CNTNAP2: variants seen among roughly 807,000 people sequenced by gnomAD.
CNTNAP2 encodes contactin associated protein 2, also known as contactin-associated protein-like 2.
A neutral mutation model predicts 155.2 loss-of-function variants in CNTNAP2; 98 were observed. The observed-to-expected ratio is 0.63, with a 90% CI of 0.54 to 0.75. The LOEUF is 0.75. CNTNAP2 is among the 30% of genes least tolerant of loss of function. The pLI, the probability that CNTNAP2 is intolerant of heterozygous loss-of-function variation, is 0.00. For missense variants in CNTNAP2, 1,727 were observed against 1,688.1 expected (o/e 1.02, Z -0.40); for synonymous variants, 651 against 631.2 (o/e 1.03, Z -0.47).
chr7:146,551,017 T>G (rs958838730), intron 1 of CNTNAP2, among the ~76,000 whole-genome samples: 3 of 152,018 alleles, frequency 2.0e-5, no homozygotes, highest in Admixed American at 6.6e-5. Flanking sequence ...TGGTGGAAAG[T>G]GTGATTTGGT....
intron 3 of CNTNAP2, among the ~76,000 whole-genome samples, chr7:147,016,241 T>C (rs1160475617): frequency 6.6e-6 from 1 of 152,002 alleles, no homozygotes; most frequent in African/African-American, 2.4e-5. Context: ...TAATCTAGTA[T>C]CTGATTGCTT....
At chr7:148,373,923 G>T (rs762694931) in intron 21 of CNTNAP2, among the ~76,000 whole-genome samples, 1 of 152,226 alleles carries the variant, frequency 6.6e-6, no homozygotes, top group African/African-American at 2.4e-5. Flanking sequence ...ATCCACTGGA[G>T]CTTCAAGTTC....
At chr7:146,799,502 T>C (rs1802836305) in intron 2 of CNTNAP2, among the ~76,000 whole-genome samples, 1 of 152,238 alleles carries the variant, frequency 6.6e-6, no homozygotes, top group Non-Finnish European at 1.5e-5. Flanking sequence ...TAGTATCTTC[T>C]GAATTATTGT....
At chr7:147,724,280 C>G (rs1010840709) in intron 13 of CNTNAP2, among the ~76,000 whole-genome samples, 1 of 151,970 alleles carries the variant, frequency 6.6e-6, no homozygotes, top group African/African-American at 2.4e-5. Flanking sequence ...TTGTACAATA[C>G]AGGCTTTCTT....
At chr7:146,322,329 G>A (rs77794618) in intron 1 of CNTNAP2, among the ~76,000 whole-genome samples, 1,534 of 152,236 alleles carry the variant, frequency 0.01, 15 homozygotes, top group Middle Eastern at 0.048. Flanking sequence ...GACAAGGGAC[G>A]GCTAACTCAG....
intron 4 of CNTNAP2, among the ~76,000 whole-genome samples, chr7:147,090,184 T>G (rs1253979000): frequency 6.6e-6 from 1 of 152,204 alleles, no homozygotes; most frequent in Non-Finnish European, 1.5e-5. Context: ...CTTCCAGGCA[T>G]GAGTCAATGT....
intron 1 of CNTNAP2, among the ~76,000 whole-genome samples, chr7:146,646,781 A>G (rs1430561777): frequency 6.6e-6 from 1 of 152,168 alleles, no homozygotes; most frequent in Non-Finnish European, 1.5e-5. Flanking sequence ...TGATAATCAC[A>G]TGCAAGAGAA....
intron 9 of CNTNAP2, among the ~76,000 whole-genome samples, chr7:147,336,565 T>C (rs564631044): frequency 5.9e-5 from 9 of 152,286 alleles, no homozygotes; most frequent in Middle Eastern, 6.8e-3. Context: ...CATCTACTGA[T>C]GAAAATCGTA....
chr7:148,141,308 A>T (rs887646585), intron 16 of CNTNAP2, among the ~76,000 whole-genome samples: 1 of 152,240 alleles, frequency 6.6e-6, no homozygotes, highest in African/African-American at 2.4e-5. Flanking sequence ...TAGTCCTCAA[A>T]CATCATATGT....
intron 15 of CNTNAP2, among the ~76,000 whole-genome samples, chr7:148,016,365 C>G (rs1802177142): frequency 6.6e-6 from 1 of 152,184 alleles, no homozygotes; most frequent in African/African-American, 2.4e-5. Context: ...ATGGCCTTCC[C>G]ACATGTGCCT....
At chr7:146,352,650 A>G (rs1236802540) in intron 1 of CNTNAP2, among the ~76,000 whole-genome samples, 2 of 150,718 alleles carry the variant, frequency 1.3e-5, no homozygotes, top group Admixed American at 6.6e-5. Context: ...CTATGAAATC[A>G]TCCTCATCTT....
intron 10 of CNTNAP2, among the ~76,000 whole-genome samples, chr7:147,414,009 T>C (rs1450338356): frequency 1.3e-5 from 2 of 152,246 alleles, no homozygotes; most frequent in Non-Finnish European, 2.9e-5. Flanking sequence ...AACTGAAGTT[T>C]GCTCAAAGCT....
intron 11 of CNTNAP2, among the ~76,000 whole-genome samples, chr7:147,518,149 T>G (rs946128142): frequency 6.6e-6 from 1 of 152,192 alleles, no homozygotes; most frequent in African/African-American, 2.4e-5. Context: ...AATTGAAAGA[T>G]TTTACAAAGT....
At chr7:147,149,407 A>C (rs1801779993) in intron 8 of CNTNAP2, among the ~76,000 whole-genome samples, 1 of 152,124 alleles carries the variant, frequency 6.6e-6, no homozygotes, top group African/African-American at 2.4e-5. Flanking sequence ...CCAAGTCCCC[A>C]CTCGACCCAG....
chr7:146,269,516 A>T (rs1038546421), intron 1 of CNTNAP2, among the ~76,000 whole-genome samples: 5 of 152,204 alleles, frequency 3.3e-5, no homozygotes, highest in African/African-American at 4.8e-5. Context: ...TAAACTTGAA[A>T]TTTTATGATT....
intron 3 of CNTNAP2, among the ~76,000 whole-genome samples, chr7:146,904,336 C>T (rs985195054): frequency 2.0e-5 from 3 of 152,160 alleles, no homozygotes; most frequent in African/African-American, 7.2e-5. Flanking sequence ...ATTGTGGCCC[C>T]ATACCTGTAC....
intron 3 of CNTNAP2, among the ~76,000 whole-genome samples, chr7:146,891,645 A>C (rs908313959): frequency 1.3e-5 from 2 of 152,192 alleles, no homozygotes; most frequent in Non-Finnish European, 2.9e-5. Flanking sequence ...TTTTACAATA[A>C]TATGACATTA....
intron 13 of CNTNAP2, among the ~76,000 whole-genome samples, chr7:147,832,700 T>C (rs1161011144): frequency 6.8e-6 from 1 of 146,938 alleles, no homozygotes; most frequent in Non-Finnish European, 1.5e-5. Context: ...TTTCAATATA[T>C]TTCAAGATAT....
At chr7:148,248,043 G>A (rs111591023) in intron 20 of CNTNAP2, among the ~76,000 whole-genome samples, 7 of 151,914 alleles carry the variant, frequency 4.6e-5, no homozygotes, top group Admixed American at 6.6e-5. Flanking sequence ...TTTGACAGAC[G>A]TGCACACCCA....
Sources: gnomAD v4.1 joint callset for allele counts (sites outside exome capture counted in the v4.1 genomes callset) on GRCh38, gnomAD v4.1.1 for gene constraint, MANE v1.5 for transcripts, NCBI Gene and HGNC (gene_info 2026-07-23, HGNC 2026-07-21) for gene names.